The following EPHA6 variants were observed in gnomAD, a reference collection of about 807,000 sequenced individuals.
EPHA6 encodes the protein EPH receptor A6, also known as ephrin type-A receptor 6.
A neutral mutation model predicts 112.0 loss-of-function variants in EPHA6; 50 were observed. The observed-to-expected ratio is 0.45, with a 90% CI of 0.36 to 0.56. The LOEUF is 0.56. Ranked by LOEUF, EPHA6 falls within the 20% of genes least tolerant of loss-of-function variation. The probability of loss-of-function intolerance (pLI) is 0.00; values close to 1 mark genes in which losing one functional copy is unlikely to be tolerated. For missense variants in EPHA6, 1,280 were observed against 1,417.4 expected, an observed-to-expected ratio of 0.90 and a Z score of 1.56; for synonymous variants, 529 against 490.7, an observed-to-expected ratio of 1.08 and a Z score of -1.03.
intron 5 of EPHA6, among the ~76,000 whole-genome samples, chr3:97,257,697 G>A (rs1302591773): frequency 1.3e-5 from 2 of 151,884 alleles, no homozygotes; most frequent in Non-Finnish European, 2.9e-5. Context: ...AAGATAATAT[G>A]GGTAGAAAAA....
rs545703247 is a variant in EPHA6 at position 97,251,155 on chromosome 3, G to A, written c.1606+6868G>A. Among the ~76,000 whole-genome samples the A allele has an allele frequency of 3.6e-4, 54 of 151,666 alleles. No homozygotes were observed. In the South Asian group the frequency reaches 7.3e-3, roughly 21 times the overall value. ...TACTGGGATTACAGGCATGAGCCAC[G>A]GCACCTGGCCATTTGTGATATTTTC... On this transcript the variant is annotated intron_variant, in intron 5 of 17. Coordinates refer to ENST00000389672, the MANE Select transcript of EPHA6 (RefSeq NM_001080448.3).
chr3:97,429,059 T>C (rs893969008), intron 6 of EPHA6, among the ~76,000 whole-genome samples: 2 of 152,144 alleles, frequency 1.3e-5, no homozygotes, highest in African/African-American at 4.8e-5. Flanking sequence ...CATTTAAGGG[T>C]TGGCTCCCAA....
intron 3 of EPHA6, among the ~76,000 whole-genome samples, chr3:97,216,437 A>G (rs2078036347): frequency 6.6e-6 from 1 of 152,226 alleles, no homozygotes; most frequent in African/African-American, 2.4e-5. Context: ...ATGAGATTTC[A>G]AGAAGACAAA....
At chr3:97,038,141 T>G (rs2045177698) in intron 3 of EPHA6, among the ~76,000 whole-genome samples, 1 of 152,098 alleles carries the variant, frequency 6.6e-6, no homozygotes, top group South Asian at 2.1e-4. Flanking sequence ...TAAATATTTA[T>G]CTTTTCGTTA....
At chr3:97,285,434 C>T (rs1054447988) in intron 5 of EPHA6, among the ~76,000 whole-genome samples, 2 of 152,074 alleles carry the variant, frequency 1.3e-5, no homozygotes, top group Admixed American at 1.3e-4. Context: ...TCCATGAGAT[C>T]AATTTTTTAA....
intron 11 of EPHA6, among the ~76,000 whole-genome samples, chr3:97,588,401 T>C (rs1023173669): frequency 6.6e-6 from 1 of 152,204 alleles, no homozygotes; most frequent in African/African-American, 2.4e-5. Flanking sequence ...TGTCTACTTA[T>C]AGATCTTAAT....
At chr3:97,407,727 T>A (rs936527183) in intron 6 of EPHA6, among the ~76,000 whole-genome samples, 1 of 151,998 alleles carries the variant, frequency 6.6e-6, no homozygotes, top group African/African-American at 2.4e-5. Context: ...CTTTTTATTT[T>A]TTTTATTTTT....
intron 14 of EPHA6, among the ~76,000 whole-genome samples, chr3:97,659,500 C>T (rs1243752341): frequency 6.6e-6 from 1 of 151,880 alleles, no homozygotes; most frequent in East Asian, 1.9e-4. Flanking sequence ...GTGAGAGTTT[C>T]TACATATTGG....
chr3:97,179,805 A>G (rs1370727772), intron 3 of EPHA6, among the ~76,000 whole-genome samples: 1 of 144,064 alleles, frequency 6.9e-6, no homozygotes, highest in East Asian at 2.0e-4. Flanking sequence ...AATTGCTTCT[A>G]TGGCCACCAC....
intron 3 of EPHA6, among the ~76,000 whole-genome samples, chr3:97,116,211 A>G (rs561160002): frequency 6.6e-6 from 1 of 151,736 alleles, no homozygotes; most frequent in South Asian, 2.1e-4. Flanking sequence ...TACTTCCTCC[A>G]TCTTTATTGA....
chr3:96,964,227 G>A (rs1328129848), intron 2 of EPHA6, among the ~76,000 whole-genome samples: 10 of 152,128 alleles, frequency 6.6e-5, no homozygotes, highest in African/African-American at 2.2e-4. Context: ...CAGTAGTCTT[G>A]CCATTCTGCA....
chr3:96,830,094 T>C (rs1359497115), intron 1 of EPHA6, among the ~76,000 whole-genome samples: 1 of 152,116 alleles, frequency 6.6e-6, no homozygotes, highest in African/African-American at 2.4e-5. Flanking sequence ...TGAAAAGAAC[T>C]ATAAATTTAA....
chr3:96,909,440 T>C (rs575068508), intron 2 of EPHA6, among the ~76,000 whole-genome samples: 2 of 152,080 alleles, frequency 1.3e-5, no homozygotes, highest in South Asian at 4.2e-4. Context: ...TTTAATTTTC[T>C]AGTAATTCCT....
intron 1 of EPHA6, among the ~76,000 whole-genome samples, chr3:96,862,200 T>A (rs914336292): frequency 6.6e-6 from 1 of 151,932 alleles, no homozygotes; most frequent in Non-Finnish European, 1.5e-5. Context: ...TTGTATCTGG[T>A]CATGATGTTA....
At chr3:97,163,670 T>A (rs2076469726) in intron 3 of EPHA6, among the ~76,000 whole-genome samples, 1 of 152,060 alleles carries the variant, frequency 6.6e-6, no homozygotes. Context: ...ACCATTACAG[T>A]CTCCACAGGC....
intron 10 of EPHA6, among the ~76,000 whole-genome samples, chr3:97,488,253 C>T (rs2091748713): frequency 1.3e-5 from 2 of 152,208 alleles, no homozygotes; most frequent in Non-Finnish European, 2.9e-5. Context: ...TCAGCCTTCT[C>T]TTCTGGCTTA....
chr3:96,877,585 G>A (rs890432970), intron 2 of EPHA6, among the ~76,000 whole-genome samples: 6 of 149,440 alleles, frequency 4.0e-5, no homozygotes, highest in Admixed American at 1.4e-4. Flanking sequence ...TAGATGGACC[G>A]CAAATTTTAG....
At chr3:97,348,767 G>A (rs375948026) in intron 5 of EPHA6, among the ~76,000 whole-genome samples, 1 of 152,000 alleles carries the variant, frequency 6.6e-6, no homozygotes, top group Non-Finnish European at 1.5e-5. Flanking sequence ...GGTAGGTCAT[G>A]GGGCAGGATA....
intron 5 of EPHA6, among the ~76,000 whole-genome samples, chr3:97,289,845 G>A (rs145252579): frequency 2.0e-5 from 3 of 152,034 alleles, no homozygotes; most frequent in African/African-American, 4.8e-5. Flanking sequence ...AAATCAGATT[G>A]TGTTCTTGAT....
Sources: gnomAD v4.1 joint callset for allele counts (sites outside exome capture counted in the v4.1 genomes callset) on GRCh38, gnomAD v4.1.1 for gene constraint, MANE v1.5 for transcripts, NCBI Gene and HGNC (gene_info 2026-07-23, HGNC 2026-07-21) for gene names.